PRKDC: variants seen among roughly 807,000 people sequenced by gnomAD.
PRKDC encodes the protein protein kinase, DNA-activated, catalytic subunit.
In PRKDC, 82 loss-of-function variants were observed where a neutral mutation model predicts 486.9. The observed-to-expected ratio is 0.17, with a 90% CI of 0.14 to 0.20. The LOEUF (loss-of-function observed/expected upper bound fraction) is 0.20, where lower values mean the gene tolerates loss of function less well. Among genes scored for constraint, PRKDC ranks in the 10% least tolerant of loss-of-function variants. The pLI is 1.00. For missense variants in PRKDC, 4,504 were observed against 5,038.2 expected (o/e 0.89, Z 3.21); for synonymous variants, 1,895 against 1,837.0 (o/e 1.03, Z -0.81).
intron 36 of PRKDC, among the ~76,000 whole-genome samples, chr8:47,885,034 T>C (rs765698035): frequency 2.6e-5 from 4 of 152,258 alleles, no homozygotes; most frequent in East Asian, 1.9e-4. Context: ...AAGCCACATC[T>C]TGGCAAATGT....
intron 83 of PRKDC, 144 bp downstream of exon 83, chr8:47,778,315 T>A: frequency 1.2e-6 from 1 of 862,314 alleles, no homozygotes; most frequent in South Asian, 1.7e-5. Context: ...TAAGTGATTA[T>A]CCCTTTCTGC....
intron 70 of PRKDC, among the ~76,000 whole-genome samples, chr8:47,801,845 T>C (rs561890079): frequency 6.6e-6 from 1 of 152,290 alleles, no homozygotes; most frequent in East Asian, 1.9e-4. Flanking sequence ...CATGCCCTCC[T>C]TGCCCATGAT....
At position 47,888,631 on chromosome 8, in the gene PRKDC, C is replaced by T. The variant is rs538368415; in HGVS notation, c.4300G>A (p.Val1434Ile). Residue 1434 changes from valine to isoleucine, a missense_variant, in exon 34 of 86, where the codon GTC becomes ATC. Physicochemically the swap from Val to Ile is conservative, Grantham distance 29. Transcript: ENST00000314191. The part of the protein sequence containing the change: ...TAQSIEELCA[V>I]NLYGPDAQVD... ...TGCGCGTCAGGGCCATACAAGTTGA[C>T]GGCACAAAGCTCCTCAATGCTGGCC... 6.6e-4 allele frequency: 1,046 copies of T among 1,588,508 alleles called. 8 individuals carry two copies. The South Asian group carries it at 0.01, about 16-fold the overall frequency.
At chr8:47,824,977 T>C (rs1291372147) in intron 63 of PRKDC, among the ~76,000 whole-genome samples, 1 of 152,212 alleles carries the variant, frequency 6.6e-6, no homozygotes, top group Non-Finnish European at 1.5e-5. Flanking sequence ...CTAGAGCTTA[T>C]GAATTCTGAA....
At chr8:47,833,846 T>G (rs946272125) in intron 59 of PRKDC, among the ~76,000 whole-genome samples, 2 of 152,050 alleles carry the variant, frequency 1.3e-5, no homozygotes, top group Non-Finnish European at 2.9e-5. Flanking sequence ...CCCAGTCTTT[T>G]TGGACGCTCT....
At chr8:47,889,394 T>C (rs972952018) in intron 32 of PRKDC, among the ~76,000 whole-genome samples, 172 bp from the exon 33 acceptor site, 1 of 152,252 alleles carries the variant, frequency 6.6e-6, no homozygotes, top group Non-Finnish European at 1.5e-5. Flanking sequence ...AGACAGTCTC[T>C]GCTTCAACTC....
Position 47,782,069 on chromosome 8 carries a change from G to C in PRKDC, c.11489+93C>G. 9.1e-7 allele frequency: 1 copy of C among 1,096,216 alleles called. No homozygotes were observed. The allele number at this position is 1,096,216 out of a possible 1,614,324, so 67.9% of individuals were successfully genotyped here. ...AGCAGACTGCGGGGCAGGCAGTGTGGGCTCTCGAGCGCGCCTGTCACGGCC... is the reference window on the plus strand; with the variant it reads ...AGCAGACTGCGGGGCAGGCAGTGTGCGCTCTCGAGCGCGCCTGTCACGGCC... On this transcript the variant is annotated intron_variant, in intron 80 of 85. Coordinates refer to ENST00000314191, the MANE Select transcript of PRKDC (RefSeq NM_006904.7). The surrounding 1 kb of genome is among the most constrained non-coding windows in gnomAD (Gnocchi z 4.9).
chr8:47,869,165 G>T (rs2088887810), intron 40 of PRKDC, among the ~76,000 whole-genome samples: 3 of 152,006 alleles, frequency 2.0e-5, no homozygotes, highest in Admixed American at 2.0e-4. Flanking sequence ...GGACTTGGGG[G>T]GCACATAACC....
At position 47,782,068 on chromosome 8, in the gene PRKDC, G is replaced by A. The variant is rs2086707753; in HGVS notation, c.11489+94C>T. The A allele has an allele frequency of 1.2e-5, 13 of 1,075,554 alleles. No individual in the cohort carries two copies. In the East Asian group the frequency reaches 1.7e-4, roughly 14 times the overall value. 66.6% of individuals were successfully genotyped at this position (1,075,554 alleles called of 1,614,324 possible). A position where few individuals can be genotyped will look rare whatever the true frequency, so the allele number is the denominator to read the frequency against. ...CAGCAGACTGCGGGGCAGGCAGTGTGGGCTCTCGAGCGCGCCTGTCACGGC... is the reference window on the plus strand; with the variant it reads ...CAGCAGACTGCGGGGCAGGCAGTGTAGGCTCTCGAGCGCGCCTGTCACGGC... On this transcript the variant is annotated intron_variant, in intron 80 of 85. Coordinates refer to ENST00000314191, the MANE Select transcript of PRKDC (RefSeq NM_006904.7). This position sits in a 1 kb window ranked among gnomAD's most constrained non-coding sequence, Gnocchi z 4.9.
At chr8:47,893,082 T>G in intron 31 of PRKDC, 57 bp downstream of exon 31, 1 of 1,478,696 alleles carries the variant, frequency 6.8e-7, no homozygotes, top group Admixed American at 2.1e-5. Context: ...GCAGAGCCAC[T>G]GCCCAGGGTG....
chr8:47,832,606 G>C (rs1410576655), intron 59 of PRKDC, among the ~76,000 whole-genome samples: 1 of 152,134 alleles, frequency 6.6e-6, no homozygotes, highest in Admixed American at 6.5e-5. Context: ...TGAAAGATAA[G>C]GTTGAAGGGA....
At chr8:47,887,769 C>G (rs1348171818) in intron 34 of PRKDC, 64 bp from the exon 35 acceptor site, 1 of 1,483,280 alleles carries the variant, frequency 6.7e-7, no homozygotes, top group Non-Finnish European at 9.0e-7. Flanking sequence ...AACAACTTCA[C>G]TCCTCTCATT....
chr8:47,844,132 T>C (rs761992365), intron 54 of PRKDC, among the ~76,000 whole-genome samples: 6 of 152,260 alleles, frequency 3.9e-5, no homozygotes, highest in Non-Finnish European at 8.8e-5. Context: ...AACTCAACTA[T>C]CTTCTCTCTT....
intron 74 of PRKDC, among the ~76,000 whole-genome samples, chr8:47,790,851 G>C (rs998615624): frequency 6.6e-6 from 1 of 152,048 alleles, no homozygotes; most frequent in Admixed American, 6.6e-5. Flanking sequence ...GGAAAACTGG[G>C]TATCCATATG....
intron 69 of PRKDC, among the ~76,000 whole-genome samples, chr8:47,804,028 T>G (rs905044033): frequency 6.6e-6 from 1 of 152,030 alleles, no homozygotes; most frequent in Admixed American, 6.6e-5. Context: ...CACCCCTAAT[T>G]CCAGAACATT....
At chr8:47,888,773 C>G (rs770622888) in intron 33 of PRKDC, 123 bp from the exon 34 acceptor site, 2 of 1,341,282 alleles carry the variant, frequency 1.5e-6, no homozygotes, top group South Asian at 3.2e-5. Context: ...AGGATCCACA[C>G]GCACTAAGCT....
intron 1 of PRKDC, among the ~76,000 whole-genome samples, chr8:47,958,837 G>A (rs993243450): frequency 6.6e-6 from 1 of 151,070 alleles, no homozygotes; most frequent in Admixed American, 6.7e-5. Flanking sequence ...CTGGGTTCAA[G>A]ACATTCTCCT....
At chr8:47,836,599 A>G (rs1333315322) in intron 57 of PRKDC, 72 bp from the exon 58 acceptor site, 30 of 1,303,192 alleles carry the variant, frequency 2.3e-5, no homozygotes, top group Non-Finnish European at 3.1e-5. Flanking sequence ...GAACACTGAT[A>G]TATTTCTATT....
chr8:47,788,647 G>C (rs2086832937), intron 76 of PRKDC, among the ~76,000 whole-genome samples: 1 of 152,106 alleles, frequency 6.6e-6, no homozygotes, highest in Non-Finnish European at 1.5e-5. Flanking sequence ...GTAACTTTCA[G>C]ATCTAAAAAT....
Sources: allele counts gnomAD v4.1 joint callset (sites outside exome capture counted in the v4.1 genomes callset), GRCh38; gene constraint gnomAD v4.1.1; non-coding constraint Gnocchi (gnomAD v3.1); transcripts MANE v1.5; gene names NCBI Gene and HGNC (gene_info 2026-07-23, HGNC 2026-07-21).